ZNF469: variants seen among roughly 807,000 people sequenced by gnomAD.
The protein encoded by ZNF469 is zinc finger protein 469.
In ZNF469, 1 loss-of-function variant was observed where a neutral mutation model predicts 1.0. That is an observed-to-expected ratio of 1.00 (90% CI 0.35 to 4.73). ZNF469 has a LOEUF of 4.73. Ranked by LOEUF, ZNF469 falls within the 30% of genes most tolerant of loss-of-function variation. ZNF469 has a pLI of 0.16. For missense variants in ZNF469, 6,100 were observed against 5,356.3 expected (o/e 1.14, Z -4.33); for synonymous variants, 2,703 against 2,363.4 (o/e 1.14, Z -4.17).
the ZNF469 span, among the ~76,000 whole-genome samples, chr16:88,235,259 C>T: frequency 6.6e-6 from 1 of 152,222 alleles, no homozygotes; most frequent in African/African-American, 2.4e-5. Context: ...CCCTCCCTGC[C>T]CATGGAGCTC....
the ZNF469 span, among the ~76,000 whole-genome samples, chr16:88,304,886 C>T: frequency 2.0e-5 from 3 of 152,182 alleles, no homozygotes; most frequent in Non-Finnish European, 4.4e-5. Context: ...GGACTTGCTT[C>T]CCCTGCAAGA....
At chr16:88,291,178 A>G in the ZNF469 span, among the ~76,000 whole-genome samples, 2 of 152,112 alleles carry the variant, frequency 1.3e-5, no homozygotes, top group African/African-American at 2.4e-5. Flanking sequence ...GGCTCCTCAG[A>G]CCCACCTGGA....
At chr16:88,256,445 A>G in the ZNF469 span, among the ~76,000 whole-genome samples, 1 of 152,256 alleles carries the variant, frequency 6.6e-6, no homozygotes, top group Non-Finnish European at 1.5e-5. Context: ...TTTATTATCC[A>G]TTCACTTATG....
the ZNF469 span, among the ~76,000 whole-genome samples, chr16:88,193,138 G>T: frequency 6.5e-3 from 435 of 67,290 alleles, 8 homozygotes; most frequent in South Asian, 8.3e-3. Context: ...GGTGATGGTG[G>T]TGATGGTGGT....
At chr16:88,235,954 C>G in the ZNF469 span, among the ~76,000 whole-genome samples, 92 of 152,318 alleles carry the variant, frequency 6.0e-4, no homozygotes, top group African/African-American at 2.2e-3. Flanking sequence ...GAGGGGCTTC[C>G]TGGTCACAGG....
At chr16:88,169,361 C>A in the ZNF469 span, among the ~76,000 whole-genome samples, 1 of 152,182 alleles carries the variant, frequency 6.6e-6, no homozygotes, top group South Asian at 2.1e-4. The surrounding 1 kb of genome is among the most constrained non-coding windows in gnomAD (Gnocchi z 6.1). Flanking sequence ...ATCACTCCCC[C>A]AGACTCCCTT....
At chr16:88,183,065 A>C in the ZNF469 span, among the ~76,000 whole-genome samples, 2 of 152,254 alleles carry the variant, frequency 1.3e-5, no homozygotes, top group Non-Finnish European at 2.9e-5. Context: ...AATCCACTAA[A>C]AAGTAGGTAA....
At chr16:88,303,067 C>A in the ZNF469 span, among the ~76,000 whole-genome samples, 1 of 152,190 alleles carries the variant, frequency 6.6e-6, no homozygotes, top group African/African-American at 2.4e-5. Context: ...GAACTCCAAT[C>A]TGACGGCTGA....
the ZNF469 span, among the ~76,000 whole-genome samples, chr16:88,163,396 G>A: frequency 6.6e-6 from 1 of 151,078 alleles, no homozygotes. Flanking sequence ...AGTGGCATAA[G>A]TGGATGAATA....
At chr16:88,160,427 C>T in the ZNF469 span, among the ~76,000 whole-genome samples, 1 of 152,194 alleles carries the variant, frequency 6.6e-6, no homozygotes, top group African/African-American at 2.4e-5. Flanking sequence ...TTGATCACTG[C>T]ACTGGAATGT....
At chr16:88,337,539 G>T in the ZNF469 span, among the ~76,000 whole-genome samples, 1 of 152,222 alleles carries the variant, frequency 6.6e-6, no homozygotes, top group Non-Finnish European at 1.5e-5. Context: ...CAATTCTGCT[G>T]AGTTTATACC....
chr16:88,231,755 G>A, the ZNF469 span, among the ~76,000 whole-genome samples: 2 of 152,042 alleles, frequency 1.3e-5, no homozygotes, highest in African/African-American at 2.4e-5. This position sits in a 1 kb window ranked among gnomAD's most constrained non-coding sequence, Gnocchi z 4.5. Flanking sequence ...GAGCCACCGG[G>A]ACAACCCCGG....
the ZNF469 span, among the ~76,000 whole-genome samples, chr16:88,340,771 G>T: frequency 6.6e-6 from 1 of 152,116 alleles, no homozygotes; most frequent in Non-Finnish European, 1.5e-5. Context: ...TCAGAGGGGA[G>T]GGTGGGGCAG....
chr16:88,251,598 G>A, the ZNF469 span, among the ~76,000 whole-genome samples: 9 of 110,344 alleles, frequency 8.2e-5, no homozygotes, highest in South Asian at 3.3e-4. Flanking sequence ...TTGCTGTGTC[G>A]CCCAGGTTAC....
chr16:88,169,543 T>C, the ZNF469 span, among the ~76,000 whole-genome samples: 1 of 152,176 alleles, frequency 6.6e-6, no homozygotes, highest in Non-Finnish European at 1.5e-5. This position sits in a 1 kb window ranked among gnomAD's most constrained non-coding sequence, Gnocchi z 6.1. Context: ...CCCATCTCCA[T>C]CCTTCTTAGT....
the ZNF469 span, among the ~76,000 whole-genome samples, chr16:88,122,005 C>T: frequency 1.7e-4 from 25 of 144,464 alleles, no homozygotes; most frequent in East Asian, 1.2e-3. Context: ...GCTACGGCCA[C>T]GGCGGCCACT....
the ZNF469 span, among the ~76,000 whole-genome samples, chr16:88,181,530 AT>A: frequency 6.6e-6 from 1 of 152,258 alleles, no homozygotes; most frequent in Non-Finnish European, 1.5e-5. Flanking sequence ...CTCTTCAAAT[AT>A]TTGGAAGTTA....
the ZNF469 span, among the ~76,000 whole-genome samples, chr16:88,319,985 G>A: frequency 3.3e-5 from 5 of 152,230 alleles, no homozygotes; most frequent in Non-Finnish European, 7.3e-5. Context: ...CCGGCCTGAA[G>A]CCTGACTCCT....
the ZNF469 span, among the ~76,000 whole-genome samples, chr16:88,117,749 C>T: frequency 6.6e-6 from 1 of 152,198 alleles, no homozygotes; most frequent in Non-Finnish European, 1.5e-5. Flanking sequence ...GTTGCTGGGA[C>T]CCAGTTTCTT....
Sources: gnomAD v4.1 joint callset for allele counts (sites outside exome capture counted in the v4.1 genomes callset) on GRCh38, gnomAD v4.1.1 for gene constraint, Gnocchi (gnomAD v3.1) non-coding constraint, MANE v1.5 for transcripts, NCBI Gene and HGNC (gene_info 2026-07-23, HGNC 2026-07-21) for gene names.